The following NLGN1 variants were observed in gnomAD, a reference collection of about 807,000 sequenced individuals.
NLGN1 encodes the protein neuroligin 1.
NLGN1 carries 12 observed loss-of-function variants against 65.5 expected under a neutral mutation model. That is an observed-to-expected ratio of 0.18 (90% CI 0.12 to 0.30). The LOEUF is 0.30. NLGN1 is among the 10% of genes least tolerant of loss of function. The probability of loss-of-function intolerance (pLI) is 1.00; values close to 1 mark genes in which losing one functional copy is unlikely to be tolerated. For missense variants in NLGN1, 750 were observed against 1,007.1 expected, an observed-to-expected ratio of 0.74 and a Z score of 3.46; for synonymous variants, 350 against 359.5, an observed-to-expected ratio of 0.97 and a Z score of 0.30.
At chr3:174,044,295 A>G (rs756944696) in intron 4 of NLGN1, among the ~76,000 whole-genome samples, 1 of 152,124 alleles carries the variant, frequency 6.6e-6, no homozygotes, top group Non-Finnish European at 1.5e-5. Context: ...TTGGTCCCTC[A>G]TTACTTACGC....
At chr3:173,408,625 C>T (rs1311395084) in intron 1 of NLGN1, among the ~76,000 whole-genome samples, 3 of 152,188 alleles carry the variant, frequency 2.0e-5, no homozygotes, top group Non-Finnish European at 2.9e-5. Flanking sequence ...CAAGAATAGG[C>T]GCATTGGCCG....
At position 173,730,827 on chromosome 3, in the gene NLGN1, T is replaced by TA. The variant is rs952511891; in HGVS notation, c.494-76852dup. On this transcript the variant is annotated intron_variant, in intron 3 of 6. Transcript: ENST00000457714. The stretch of plus-strand genomic sequence containing the variant: ...TAGAACAAAATGTTTAAAGCTTACT[T>TA]ACGGAACATCAGATTTGAGCACCTG... 1.2e-4 allele frequency among the ~76,000 whole-genome samples: 18 copies of TA among 152,294 alleles called. No individual in the cohort carries two copies. In the Middle Eastern group the frequency reaches 0.02, roughly 173 times the overall value.
At chr3:173,708,612 A>C (rs764259049) in intron 3 of NLGN1, among the ~76,000 whole-genome samples, 1 of 152,184 alleles carries the variant, frequency 6.6e-6, no homozygotes, top group Non-Finnish European at 1.5e-5. Flanking sequence ...AGCCTAGAAA[A>C]GGTATTGTAA....
chr3:174,186,226 T>C (rs944389046), intron 4 of NLGN1, among the ~76,000 whole-genome samples: 1 of 152,188 alleles, frequency 6.6e-6, no homozygotes, highest in African/African-American at 2.4e-5. Flanking sequence ...AATAATGTTT[T>C]CCTAAAACAA....
intron 4 of NLGN1, among the ~76,000 whole-genome samples, chr3:173,984,625 A>G (rs1166627831): frequency 2.0e-5 from 3 of 152,186 alleles, no homozygotes; most frequent in Non-Finnish European, 4.4e-5. Flanking sequence ...CATTTATCAA[A>G]CTTATCTAAT....
At chr3:174,293,520 GAA>G in the NLGN1 span, among the ~76,000 whole-genome samples, 2 of 151,514 alleles carry the variant, frequency 1.3e-5, no homozygotes, top group African/African-American at 4.8e-5. Context: ...GAAAAAAGAA[GAA>G]AAGTTTCAAA....
At chr3:173,937,457 A>G (rs79547449) in intron 4 of NLGN1, among the ~76,000 whole-genome samples, 2 of 152,130 alleles carry the variant, frequency 1.3e-5, no homozygotes, top group Admixed American at 1.3e-4. Context: ...CCAGGAAATG[A>G]TGATACTTCA....
intron 2 of NLGN1, among the ~76,000 whole-genome samples, chr3:173,492,495 AATG>A (rs745621231): frequency 5.9e-5 from 9 of 151,904 alleles, no homozygotes; most frequent in Middle Eastern, 3.4e-3. Flanking sequence ...GAATGTTATA[AATG>A]ATAATATTTG....
chr3:174,284,946 A>G (rs1236505855), exon 7 of NLGN1: 1 of 151,354 alleles, frequency 6.6e-6, no homozygotes, highest in Non-Finnish European at 1.5e-5. Flanking sequence ...TCAAGTATAT[A>G]TAATATTAAA....
Position 173,669,758 on chromosome 3 carries a change from T to C in NLGN1, c.493+64667T>C, listed in dbSNP as rs1762214380. Among the ~76,000 whole-genome samples, 3 of 152,148 alleles carry C rather than the reference T, an allele frequency of 2.0e-5. No individual in the cohort carries two copies. The South Asian group carries it at 6.2e-4, about 31-fold the overall frequency. ...TTTTGGGTGCTTCCTAGTATTTTTG[T>C]TATAATACAAGTTTTTTAACAGAAC... On this transcript the variant is annotated intron_variant, in intron 3 of 6. Coordinates refer to ENST00000457714, the Ensembl canonical transcript of NLGN1.
intron 2 of NLGN1, among the ~76,000 whole-genome samples, chr3:173,449,446 G>A (rs551216400): frequency 2.0e-5 from 3 of 152,106 alleles, no homozygotes; most frequent in African/African-American, 7.2e-5. Flanking sequence ...TATAATTTCT[G>A]TTCTTTTACA....
intron 1 of NLGN1, among the ~76,000 whole-genome samples, chr3:173,401,073 A>G (rs1025587740): frequency 6.6e-6 from 1 of 152,112 alleles, no homozygotes; most frequent in African/African-American, 2.4e-5. Context: ...AGAAGAAGAT[A>G]ACAGTATTCT....
intron 4 of NLGN1, among the ~76,000 whole-genome samples, chr3:174,039,577 CT>C (rs1238824485): frequency 1.3e-5 from 2 of 151,850 alleles, no homozygotes; most frequent in Non-Finnish European, 2.9e-5. Context: ...TTTCTTTTTC[CT>C]TTGAAGATGA....
At chr3:174,015,089 T>C (rs1417591489) in intron 4 of NLGN1, among the ~76,000 whole-genome samples, 1 of 152,158 alleles carries the variant, frequency 6.6e-6, no homozygotes, top group East Asian at 1.9e-4. Context: ...GGCGGTTTTA[T>C]CTTTATAATT....
intron 4 of NLGN1, among the ~76,000 whole-genome samples, chr3:173,893,437 C>T (rs1156862134): frequency 6.6e-6 from 1 of 152,118 alleles, no homozygotes; most frequent in African/African-American, 2.4e-5. Flanking sequence ...TTTCTCATAG[C>T]ACTATTGTAC....
chr3:174,275,587 A>G, intron 5 of NLGN1, 60 bp downstream of exon 5: 1 of 940,612 alleles, frequency 1.1e-6, no homozygotes, highest in Non-Finnish European at 1.7e-6. Flanking sequence ...CACCATCAGT[A>G]GTATGTGATG....
intron 3 of NLGN1, among the ~76,000 whole-genome samples, chr3:173,775,826 A>G (rs972149198): frequency 6.6e-6 from 1 of 152,146 alleles, no homozygotes; most frequent in East Asian, 1.9e-4. Context: ...ATATATCCCC[A>G]TTACATTGTT....
chr3:173,555,844 A>G lies in NLGN1; in HGVS notation c.-320-48435A>G, dbSNP rs993747114. On this transcript the variant is annotated intron_variant, in intron 2 of 6. Transcript: ENST00000457714. ...GAATTGGGAAGCGTTCTATACTCTTATGTTATCTGAAAAAATGCTTTTAAA... is the reference window on the plus strand; with the variant it reads ...GAATTGGGAAGCGTTCTATACTCTTGTGTTATCTGAAAAAATGCTTTTAAA... Among the ~76,000 whole-genome samples, 4 of 152,128 alleles carry G rather than the reference A, an allele frequency of 2.6e-5. No homozygotes were observed. In the East Asian group the frequency reaches 7.7e-4, roughly 29 times the overall value.
intron 1 of NLGN1, among the ~76,000 whole-genome samples, chr3:173,414,485 T>C (rs1386771395): frequency 6.6e-6 from 1 of 152,114 alleles, no homozygotes; most frequent in African/African-American, 2.4e-5. Flanking sequence ...ACCGCTATGC[T>C]TTGTTTAGCA....
Sources: allele counts gnomAD v4.1 joint callset (sites outside exome capture counted in the v4.1 genomes callset), GRCh38; gene constraint gnomAD v4.1.1; transcripts MANE v1.5; gene names NCBI Gene and HGNC (gene_info 2026-07-23, HGNC 2026-07-21).